The following TAS2R1 variants were observed in gnomAD, a reference collection of about 807,000 sequenced individuals.
TAS2R1 encodes taste receptor type 2 member 1.
For missense variants in TAS2R1, 370 were observed against 353.4 expected, an observed-to-expected ratio of 1.05 and a Z score of -0.38; for synonymous variants, 141 against 134.2, an observed-to-expected ratio of 1.05 and a Z score of -0.35.
chr5:9,665,843 C>T (rs964336749), intron 1 of TAS2R1, among the ~76,000 whole-genome samples: 1 of 152,210 alleles, frequency 6.6e-6, no homozygotes, highest in Non-Finnish European at 1.5e-5. Flanking sequence ...AAAAGAACAG[C>T]AGTGTAGAAG....
intron 1 of TAS2R1, among the ~76,000 whole-genome samples, chr5:9,706,717 T>C (rs1312544782): frequency 4.6e-5 from 7 of 151,996 alleles, no homozygotes; most frequent in South Asian, 2.1e-4. Context: ...CAGAGGATAT[T>C]TGAGTGCTCA....
At chr5:9,837,928 C>T in the TAS2R1 span, among the ~76,000 whole-genome samples, 1,713 of 152,294 alleles carry the variant, frequency 0.011, 25 homozygotes, top group Non-Finnish European at 0.017. Flanking sequence ...GTCTGCTCGC[C>T]ATTGAGTAAG....
chr5:9,643,891 G>A (rs1740134026), intron 2 of TAS2R1, among the ~76,000 whole-genome samples: 1 of 152,176 alleles, frequency 6.6e-6, no homozygotes, highest in African/African-American at 2.4e-5. Context: ...CCTCCCCAGA[G>A]AGGAGGTGAT....
intron 1 of TAS2R1, among the ~76,000 whole-genome samples, chr5:9,689,531 C>A (rs1281540261): frequency 1.3e-5 from 2 of 152,118 alleles, no homozygotes; most frequent in African/African-American, 2.4e-5. Context: ...TATATATAAT[C>A]ATAAGCTCTT....
chr5:9,827,758 G>A, the TAS2R1 span, among the ~76,000 whole-genome samples: 87 of 152,158 alleles, frequency 5.7e-4, no homozygotes, highest in East Asian at 0.015. Context: ...ATTCCAGCCT[G>A]GGTGACAGAG....
chr5:9,667,511 G>A (rs150551148), intron 1 of TAS2R1, among the ~76,000 whole-genome samples: 4 of 152,282 alleles, frequency 2.6e-5, no homozygotes, highest in African/African-American at 7.2e-5. Context: ...AGGCATAACC[G>A]TATGTTCCCC....
At chr5:9,725,435 C>T in the TAS2R1 span, among the ~76,000 whole-genome samples, 11 of 152,324 alleles carry the variant, frequency 7.2e-5, no homozygotes, top group African/African-American at 2.6e-4. Flanking sequence ...CCTGCTGGCC[C>T]TGGGCAATGA....
the TAS2R1 span, among the ~76,000 whole-genome samples, chr5:9,731,531 C>A: frequency 3.9e-5 from 6 of 152,324 alleles, no homozygotes; most frequent in South Asian, 2.1e-4. Context: ...TCCGCCCATG[C>A]CTCCAACATT....
At chr5:9,903,022 A>T in the TAS2R1 span, among the ~76,000 whole-genome samples, 1 of 152,088 alleles carries the variant, frequency 6.6e-6, no homozygotes, top group African/African-American at 2.4e-5. Context: ...CAGGCATGCA[A>T]TGTGAAATAA....
chr5:9,630,634 G>A (rs563501456), upstream of TAS2R1, among the ~76,000 whole-genome samples: 1 of 152,254 alleles, frequency 6.6e-6, no homozygotes, highest in East Asian at 1.9e-4. Context: ...TAAAATCAAA[G>A]TAATTAGGCT....
At chr5:9,746,488 T>A in the TAS2R1 span, among the ~76,000 whole-genome samples, 1 of 152,164 alleles carries the variant, frequency 6.6e-6, no homozygotes, top group African/African-American at 2.4e-5. Context: ...GAAGGACTAT[T>A]TATAATAGCA....
In TAS2R1 at chr5:9,629,230, A is replaced by G. The variant is rs1739817580; in HGVS notation, c.803T>C (p.Ile268Thr). The G allele has an allele frequency of 3.1e-6, 5 of 1,613,674 alleles. No individual in the cohort carries two copies. The highest frequency in any genetic ancestry group is 1.7e-5 in the Admixed American group (1 of 59,824). ...GATGAGAGAGTGTCCAGAAGGGTAT[A>G]TACCAATCACAAGGATGAAGAACAG... ...IFLFFILVIG[I>T]YPSGHSLILI... Residue 268 changes from isoleucine to threonine, a missense_variant, in exon 1 of 1, where the codon ATA becomes ACA. Physicochemically the swap from Ile to Thr is moderately conservative, Grantham distance 89. Transcript: ENST00000382492.
intron 2 of TAS2R1, among the ~76,000 whole-genome samples, chr5:9,635,429 T>G (rs1739945222): frequency 6.6e-6 from 1 of 152,034 alleles, no homozygotes; most frequent in Non-Finnish European, 1.5e-5. Flanking sequence ...TGTCCTTTCC[T>G]GGTTTTGACA....
chr5:9,801,611 G>A, the TAS2R1 span, among the ~76,000 whole-genome samples: 2 of 152,174 alleles, frequency 1.3e-5, no homozygotes, highest in African/African-American at 2.4e-5. Flanking sequence ...TTTTCAAGGG[G>A]GAAGCTGGTG....
At chr5:9,795,330 T>C in the TAS2R1 span, among the ~76,000 whole-genome samples, 1 of 152,182 alleles carries the variant, frequency 6.6e-6, no homozygotes, top group Non-Finnish European at 1.5e-5. Context: ...AGGAGACTTT[T>C]TCCCCTTGGG....
chr5:9,663,203 T>C (rs1286879110), intron 1 of TAS2R1, among the ~76,000 whole-genome samples: 2 of 152,184 alleles, frequency 1.3e-5, no homozygotes, highest in Non-Finnish European at 2.9e-5. Context: ...AAGATGATTC[T>C]ACAAACAATA....
At chr5:9,833,083 C>G in the TAS2R1 span, among the ~76,000 whole-genome samples, 2 of 152,216 alleles carry the variant, frequency 1.3e-5, no homozygotes, top group African/African-American at 4.8e-5. Flanking sequence ...CTCTATCAGC[C>G]TTGCACTGAA....
chr5:9,710,435 C>G (rs1741705966), intron 1 of TAS2R1, among the ~76,000 whole-genome samples: 1 of 152,202 alleles, frequency 6.6e-6, no homozygotes. Context: ...CTGCATGAAC[C>G]ATTACTTTAG....
At chr5:9,809,010 T>C in the TAS2R1 span, among the ~76,000 whole-genome samples, 4 of 152,192 alleles carry the variant, frequency 2.6e-5, no homozygotes, top group African/African-American at 9.6e-5. Flanking sequence ...AAGAACTTCC[T>C]TATGACCCAT....
Sources: allele counts gnomAD v4.1 joint callset (sites outside exome capture counted in the v4.1 genomes callset), GRCh38; gene constraint gnomAD v4.1.1; transcripts MANE v1.5; gene names NCBI Gene and HGNC (gene_info 2026-07-23, HGNC 2026-07-21).